Variants in NUP210 observed in about 807,000 individuals in gnomAD.
NUP210 encodes nuclear pore membrane glycoprotein 210.
In NUP210, 151 loss-of-function variants were observed where a neutral mutation model predicts 196.0. The ratio of observed to expected loss-of-function variants is 0.77; its 90% CI spans 0.67 to 0.88. The LOEUF (loss-of-function observed/expected upper bound fraction) is 0.88. Ranked by LOEUF, NUP210 falls within the 40% of genes least tolerant of loss-of-function variation. The pLI, the probability that NUP210 is intolerant of heterozygous loss-of-function variation, is 0.00. For synonymous variants in NUP210, 1,070 were observed against 1,052.7 expected (o/e 1.02, Z -0.32); for missense variants, 2,314 against 2,493.7 (o/e 0.93, Z 1.53).
rs1244828583 is a variant in NUP210 at position 13,350,635 on chromosome 3, A to G, written c.2835+1244T>C. Among the ~76,000 whole-genome samples, 1 of 152,160 alleles carries G rather than the reference A, an allele frequency of 6.6e-6. No homozygotes were observed. The highest frequency in any genetic ancestry group is 1.9e-4 in the East Asian group (1 of 5,204). On this transcript the variant is annotated intron_variant, in intron 20 of 39. Coordinates refer to ENST00000254508, the MANE Select transcript of NUP210 (RefSeq NM_024923.4). This position sits in a 1 kb window ranked among gnomAD's most constrained non-coding sequence, Gnocchi z 4.1. The stretch of plus-strand genomic sequence containing the variant: ...TAAAGGAAGATTTGATAACAATCTC[A>G]TATCAAACAGCGAATATCAATAAAG...
chr3:13,332,842 T>C (rs1307800906), intron 28 of NUP210, among the ~76,000 whole-genome samples: 1 of 152,152 alleles, frequency 6.6e-6, no homozygotes, highest in East Asian at 1.9e-4. Context: ...TCTCCCTCCG[T>C]GCCCAGTGAG....
At chr3:13,342,553 T>C (rs1383541683) in intron 21 of NUP210, among the ~76,000 whole-genome samples, 1 of 151,944 alleles carries the variant, frequency 6.6e-6, no homozygotes, top group Non-Finnish European at 1.5e-5. Flanking sequence ...ATACAAGGAG[T>C]ATGTGAGGCT....
intron 20 of NUP210, 51 bp downstream of exon 20, chr3:13,351,828 G>T: frequency 8.6e-7 from 1 of 1,164,734 alleles, no homozygotes. Flanking sequence ...CCACACAACA[G>T]CCCAGATAAG....
At chr3:13,410,386 C>A (rs1360153474) in intron 1 of NUP210, among the ~76,000 whole-genome samples, 1 of 151,328 alleles carries the variant, frequency 6.6e-6, no homozygotes. Context: ...CCATATTGGT[C>A]AGGCTGGTCT....
At chr3:13,414,957 G>A (rs1316745928) in intron 1 of NUP210, among the ~76,000 whole-genome samples, 1 of 152,244 alleles carries the variant, frequency 6.6e-6, no homozygotes, top group African/African-American at 2.4e-5. Context: ...GTCACAGACA[G>A]GTGGGTGTGG....
At chr3:13,373,911 C>T (rs1698812915) in intron 11 of NUP210, 38 bp from the exon 12 acceptor site, 2 of 1,605,502 alleles carry the variant, frequency 1.2e-6, no homozygotes, top group African/African-American at 1.3e-5. Context: ...AGCCACCCAC[C>T]CTTAGCCTGC....
At chr3:13,334,016 T>C (rs942187708) in intron 28 of NUP210, among the ~76,000 whole-genome samples, 2 of 152,170 alleles carry the variant, frequency 1.3e-5, no homozygotes, top group African/African-American at 4.8e-5. Flanking sequence ...TTGCTTCTCA[T>C]TGCCTGCTGA....
intron 15 of NUP210, 26 bp from the exon 16 acceptor site, chr3:13,358,421 A>G: frequency 6.3e-7 from 1 of 1,582,752 alleles, no homozygotes; most frequent in Non-Finnish European, 8.6e-7. Context: ...GAACAGTCAG[A>G]CCCCCAAGCT....
chr3:13,358,976 G>A (rs1380319821), intron 15 of NUP210, among the ~76,000 whole-genome samples: 2 of 152,210 alleles, frequency 1.3e-5, no homozygotes, highest in African/African-American at 4.8e-5. Context: ...TGTCTGCCTG[G>A]AGAGCTGGGA....
rs758456572 is a variant in NUP210 at position 13,378,975 on chromosome 3, G to A, written c.982C>T (p.Arg328Cys). 15 of 1,613,664 alleles carry A rather than the reference G, an allele frequency of 9.3e-6. No individual in the cohort carries two copies. The highest frequency in any genetic ancestry group is 2.2e-5 in the South Asian group (2 of 91,062). The change falls in exon 8 of 40, where the codon CGC becomes TGC. Residue 328 changes from arginine to cysteine, a missense_variant. Coordinates refer to ENST00000254508, the MANE Select transcript of NUP210 (RefSeq NM_024923.4). The part of the protein sequence containing the change: ...SSLVLGHRSI[R>C]MQGASRLPNS... ...GGTAACCTAGAAGCACCTTGCATGC[G>A]AATACCTGAATTTTGAATTAAGGGG...
chr3:13,396,434 CAAG>C (rs1436393708), intron 3 of NUP210, among the ~76,000 whole-genome samples: 5 of 151,928 alleles, frequency 3.3e-5, no homozygotes, highest in African/African-American at 1.2e-4. Context: ...TTTTCTCTGA[CAAG>C]AATTTTAACC....
At chr3:13,319,201 A>G (rs1202138556) in intron 38 of NUP210, 29 bp downstream of exon 38, 3 of 1,611,480 alleles carry the variant, frequency 1.9e-6, no homozygotes, top group Non-Finnish European at 2.5e-6. Context: ...GCAGGGGAAC[A>G]GACCCAGAGA....
At chr3:13,332,418 GCACTGGAGT>G in intron 28 of NUP210, 34 bp from the exon 29 acceptor site, 1 of 1,521,866 alleles carries the variant, frequency 6.6e-7, no homozygotes, top group East Asian at 2.3e-5. Flanking sequence ...TTCCGATGGG[GCACTGGAGT>G]CACATTCAGG....
intron 12 of NUP210, among the ~76,000 whole-genome samples, chr3:13,373,004 T>C (rs1204920675): frequency 6.6e-6 from 1 of 152,114 alleles, no homozygotes; most frequent in Non-Finnish European, 1.5e-5. Context: ...CAGGCCTCAC[T>C]TTAGATAGAG....
rs561170085 is a variant in NUP210 at position 13,372,175 on chromosome 3, G to A, written c.1588-143C>T. On this transcript the variant is annotated intron_variant, in intron 12 of 39. Transcript: ENST00000254508. ...CTGTCACGGGCAGTGGGGTGATTCA[G>A]GGACAGAGAGCAGGGGAGGCCTCTC... 3.0e-4 allele frequency: 237 copies of A among 795,108 alleles called. 1 individual carries two copies. In the East Asian group the frequency reaches 6.2e-3, roughly 21 times the overall value. The allele number at this position is 795,108 out of a possible 1,614,324, so 49.3% of individuals were successfully genotyped here.
At chr3:13,408,080 G>C (rs1370884120) in intron 1 of NUP210, among the ~76,000 whole-genome samples, 1 of 152,158 alleles carries the variant, frequency 6.6e-6, no homozygotes, top group African/African-American at 2.4e-5. Context: ...AGGACAGGCA[G>C]GCATGGACTC....
chr3:13,336,890 T>C lies in NUP210; in HGVS notation c.3581A>G (p.Asn1194Ser), dbSNP rs969455054. The C allele has an allele frequency of 7.4e-6, 12 of 1,613,530 alleles. No individual in the cohort carries two copies. The highest frequency in any genetic ancestry group is 2.2e-5 in the East Asian group (1 of 44,858). ...QMPIYVTGIT[N>S]HQNPFSFGNA... ...GCCAAAGGAGAAAGGGTTCTGGTGG[T>C]TGGTGATGCCGGTGACATAGATGGG... Residue 1194 changes from asparagine to serine, a missense_variant, in exon 27 of 40, where the codon AAC becomes AGC. Asn to Ser is a conservative substitution (Grantham distance 46). Coordinates refer to ENST00000254508, the MANE Select transcript of NUP210 (RefSeq NM_024923.4).
At chr3:13,335,673 G>GCAGAGC in intron 27 of NUP210, 61 bp from the exon 28 acceptor site, 1 of 1,579,242 alleles carries the variant, frequency 6.3e-7, no homozygotes, top group Non-Finnish European at 8.6e-7. Context: ...CCTCAAAAAG[G>GCAGAGC]CAGAGCCGGA....
At position 13,325,950 on chromosome 3, in the gene NUP210, T is replaced by A; in HGVS notation, c.4508-19A>T. The A allele has an allele frequency of 3.1e-6, 5 of 1,612,908 alleles. No homozygotes were observed. Among genetic ancestry groups the A allele is most frequent in the Non-Finnish European group, 3.4e-6 (4 of 1,179,694 alleles). On this transcript the variant is annotated intron_variant, in intron 32 of 39. Coordinates refer to ENST00000254508, the MANE Select transcript of NUP210 (RefSeq NM_024923.4). ...GAGAGGCCTGGAGAGGAAGCACAGG[T>A]GTCAGCCCCCTTTCCATAGCTGGAC...
Sources: allele counts gnomAD v4.1 joint callset (sites outside exome capture counted in the v4.1 genomes callset), GRCh38; gene constraint gnomAD v4.1.1; non-coding constraint Gnocchi (gnomAD v3.1); transcripts MANE v1.5; gene names NCBI Gene and HGNC (gene_info 2026-07-23, HGNC 2026-07-21).